The following PTPRG variants were observed in gnomAD, a reference collection of about 807,000 sequenced individuals.
PTPRG encodes protein tyrosine phosphatase receptor type G, also known as receptor-type tyrosine-protein phosphatase gamma.
In PTPRG, 102 loss-of-function variants were observed where a neutral mutation model predicts 165.3. The ratio of observed to expected loss-of-function variants is 0.62; its 90% CI spans 0.53 to 0.73. PTPRG has a LOEUF of 0.73. Among genes scored for constraint, PTPRG ranks in the 30% least tolerant of loss-of-function variants. The probability of loss-of-function intolerance (pLI) is 0.00; values close to 1 mark genes in which losing one functional copy is unlikely to be tolerated. For missense variants in PTPRG, 1,866 were observed against 1,861.4 expected (o/e 1.00, Z -0.05); for synonymous variants, 675 against 669.5 (o/e 1.01, Z -0.13).
intron 1 of PTPRG, among the ~76,000 whole-genome samples, chr3:61,712,679 G>A (rs562960488): frequency 6.6e-5 from 10 of 152,250 alleles, no homozygotes; most frequent in African/African-American, 1.9e-4. Flanking sequence ...CCAGCCGTGC[G>A]GTACTGAGTC....
At chr3:62,103,363 G>T (rs1702359887) in intron 5 of PTPRG, among the ~76,000 whole-genome samples, 1 of 151,274 alleles carries the variant, frequency 6.6e-6, no homozygotes, top group South Asian at 2.1e-4. Flanking sequence ...GCTAAGCAGG[G>T]TTTTGCCTTC....
At chr3:62,060,471 C>G (rs984716462) in intron 4 of PTPRG, among the ~76,000 whole-genome samples, 1 of 152,196 alleles carries the variant, frequency 6.6e-6, no homozygotes, top group Non-Finnish European at 1.5e-5. Flanking sequence ...GAAGCGTTCT[C>G]TTTCCTCATC....
intron 2 of PTPRG, among the ~76,000 whole-genome samples, chr3:61,968,516 T>C (rs2040319975): frequency 6.6e-6 from 1 of 152,200 alleles, no homozygotes; most frequent in Non-Finnish European, 1.5e-5. Flanking sequence ...TTTTAATATA[T>C]ATTGTGAGAA....
chr3:62,179,514 G>A (rs187821798), intron 8 of PTPRG, among the ~76,000 whole-genome samples: 16 of 152,370 alleles, frequency 1.1e-4, no homozygotes, highest in Admixed American at 9.8e-4. Context: ...AGGCTTGCCA[G>A]AAGAGAAGAG....
rs138086660 is a variant in PTPRG at position 62,211,824 on chromosome 3, T to G, written c.2156-7027T>G. Among the ~76,000 whole-genome samples, 760 of 152,278 alleles carry G rather than the reference T, an allele frequency of 5.0e-3. 5 individuals carry two copies. Among genetic ancestry groups the G allele is most frequent in the African/African-American group, 0.018 (729 of 41,552 alleles). On this transcript the variant is annotated intron_variant, in intron 12 of 29. Coordinates refer to ENST00000474889, the MANE Select transcript of PTPRG (RefSeq NM_002841.4). ...ATTTCAGATGGGTCCATCTGATGTA[T>G]TGCTGCCGGTAGCATTTATAGTACA...
chr3:62,107,212 C>T (rs902379035), intron 5 of PTPRG, among the ~76,000 whole-genome samples: 5 of 152,296 alleles, frequency 3.3e-5, no homozygotes, highest in East Asian at 3.9e-4. Context: ...GAATCAGATT[C>T]GTAGTTACAT....
At chr3:62,239,396 C>G (rs1489795825) in intron 14 of PTPRG, among the ~76,000 whole-genome samples, 1 of 122,232 alleles carries the variant, frequency 8.2e-6, no homozygotes, top group Non-Finnish European at 1.6e-5. Context: ...AAGTCTTGCT[C>G]TGTTGCCCAG....
chr3:62,076,008 G>A (rs1701368622), intron 4 of PTPRG, among the ~76,000 whole-genome samples: 2 of 152,280 alleles, frequency 1.3e-5, no homozygotes, highest in South Asian at 4.1e-4. Flanking sequence ...AGGCGCAGTG[G>A]TTCGTGCATG....
At chr3:61,597,534 G>A (rs1700733672) in intron 1 of PTPRG, among the ~76,000 whole-genome samples, 1 of 152,188 alleles carries the variant, frequency 6.6e-6, no homozygotes, top group Non-Finnish European at 1.5e-5. Flanking sequence ...ACCACCAGCT[G>A]CCCACATTAT....
intron 5 of PTPRG, 148 bp downstream of exon 5, chr3:62,078,406 T>TA (rs1701461991): frequency 3.4e-6 from 2 of 592,226 alleles, no homozygotes; most frequent in Non-Finnish European, 5.8e-6. Flanking sequence ...ATGTGTGATT[T>TA]AAAATGTAAA....
At chr3:62,115,167 G>A (rs911103662) in intron 5 of PTPRG, among the ~76,000 whole-genome samples, 3 of 152,060 alleles carry the variant, frequency 2.0e-5, no homozygotes, top group African/African-American at 7.2e-5. Context: ...ATCCATACCT[G>A]AGTGACCTGA....
At chr3:61,634,168 A>C (rs1021945050) in intron 1 of PTPRG, among the ~76,000 whole-genome samples, 4 of 151,768 alleles carry the variant, frequency 2.6e-5, no homozygotes, top group African/African-American at 9.7e-5. Context: ...TGTGTGCCAT[A>C]TGATCTATAT....
At chr3:62,150,134 G>A (rs562498787) in intron 6 of PTPRG, among the ~76,000 whole-genome samples, 26 of 152,182 alleles carry the variant, frequency 1.7e-4, no homozygotes, top group Non-Finnish European at 3.5e-4. Context: ...ATTTAGAAAC[G>A]GTGATTCAAA....
chr3:62,267,830 T>C lies in PTPRG; in HGVS notation c.2874+11T>C. 6.2e-7 allele frequency: 1 copy of C among 1,610,766 alleles called. No homozygotes were observed. The highest frequency in any genetic ancestry group is 8.5e-7 in the Non-Finnish European group (1 of 1,178,576). On this transcript the variant is annotated intron_variant, in intron 19 of 29. Coordinates refer to ENST00000474889, the MANE Select transcript of PTPRG (RefSeq NM_002841.4). ...GTGGAAAAAGGAAGAGTAAGAGCCT[T>C]TTGACTCACTATCTTAATAATGCAC... is the stretch of plus-strand genomic sequence containing the variant.
chr3:62,264,073 G>C (rs1701784218), intron 17 of PTPRG: 1 of 152,000 alleles, frequency 6.6e-6, no homozygotes, highest in African/African-American at 2.4e-5. Flanking sequence ...ATGAACCCAG[G>C]AGGCGGAGCT....
At chr3:61,775,430 C>T (rs1399143589) in intron 2 of PTPRG, among the ~76,000 whole-genome samples, 2 of 152,112 alleles carry the variant, frequency 1.3e-5, no homozygotes, top group Admixed American at 6.6e-5. Flanking sequence ...GCAAAGCTTG[C>T]AATGCAACAT....
rs1241596850 is a variant in PTPRG at position 62,262,892 on chromosome 3, C to T, written c.2654C>T (p.Ala885Val). 1 of 1,606,276 alleles carries T rather than the reference C, an allele frequency of 6.2e-7. No individual in the cohort carries two copies. The highest frequency in any genetic ancestry group is 8.5e-7 in the Non-Finnish European group (1 of 1,172,996). ...AAAAACAGATACATCAACATTTTAG[C>T]ATGTGAGTAATAAGCTTTAAACTAC... ...KHKNRYINILAYDHSRVKLRP... is the reference protein window; with the variant it reads ...KHKNRYINILVYDHSRVKLRP... Residue 885 changes from alanine (A) to valine (V), a missense_variant and splice_region_variant, in exon 17 of 30, where the codon GCA becomes GTA. Coordinates refer to ENST00000474889, the MANE Select transcript of PTPRG (RefSeq NM_002841.4).
At position 61,800,977 on chromosome 3, in the gene PTPRG, A is replaced by G. The variant is rs188025114; in HGVS notation, c.190+51995A>G. On this transcript the variant is annotated intron_variant, in intron 2 of 29. Coordinates refer to ENST00000474889, the MANE Select transcript of PTPRG (RefSeq NM_002841.4). ...TGCACAGTACCTTTAAGGAAGAAGAAAGGTGGAAGGAAGCAGAAATCTGCT... is the reference window on the plus strand; with the variant it reads ...TGCACAGTACCTTTAAGGAAGAAGAGAGGTGGAAGGAAGCAGAAATCTGCT... 3.3e-5 allele frequency among the ~76,000 whole-genome samples: 5 copies of G among 152,212 alleles called. No homozygotes were observed. The East Asian group carries it at 9.7e-4, about 30-fold the overall frequency.
At chr3:61,962,511 G>A (rs958953931) in intron 2 of PTPRG, among the ~76,000 whole-genome samples, 1 of 151,960 alleles carries the variant, frequency 6.6e-6, no homozygotes, top group Non-Finnish European at 1.5e-5. Flanking sequence ...TAGGAAAACT[G>A]TTCCTTTGAG....
Sources: allele counts gnomAD v4.1 joint callset (sites outside exome capture counted in the v4.1 genomes callset), GRCh38; gene constraint gnomAD v4.1.1; transcripts MANE v1.5; gene names NCBI Gene and HGNC (gene_info 2026-07-23, HGNC 2026-07-21).